Variants in RASSF5 observed in about 807,000 individuals in gnomAD.
RASSF5 encodes the protein ras association domain-containing protein 5.
In RASSF5, 25 loss-of-function variants were observed where a neutral mutation model predicts 40.5. That is an observed-to-expected ratio of 0.62 (90% confidence interval 0.45 to 0.86). The LOEUF (loss-of-function observed/expected upper bound fraction) is 0.86, where lower values mean the gene tolerates loss of function less well. RASSF5 is among the 40% of genes least tolerant of loss of function. The pLI is 0.00. For synonymous variants in RASSF5, 246 were observed against 252.4 expected (o/e 0.97, Z 0.24); for missense variants, 521 against 572.8 (o/e 0.91, Z 0.92).
intron 1 of RASSF5, among the ~76,000 whole-genome samples, chr1:206,510,380 T>TA (rs1217687787): frequency 3.3e-5 from 5 of 151,930 alleles, no homozygotes; most frequent in South Asian, 2.1e-4. Flanking sequence ...CTTCTTTGTT[T>TA]AAAAAAAATA....
At chr1:206,581,635 GGGAGA>G (rs1668882692) in intron 2 of RASSF5, among the ~76,000 whole-genome samples, 1 of 151,438 alleles carries the variant, frequency 6.6e-6, no homozygotes, top group Admixed American at 6.6e-5. Flanking sequence ...AGAGAGAGGG[GGGAGA>G]GAGAGAGAGA....
At chr1:206,522,952 A>G (rs1666945911) in intron 1 of RASSF5, among the ~76,000 whole-genome samples, 1 of 152,164 alleles carries the variant, frequency 6.6e-6, no homozygotes, top group Non-Finnish European at 1.5e-5. Context: ...AGTAAAGCTA[A>G]TTTTAGACAA....
rs1404810557 is a variant in RASSF5, at chr1:206,515,392, TC to T, written c.457+7336del. On this transcript the variant is annotated intron_variant, in intron 1 of 5. Coordinates refer to ENST00000579436, the MANE Select transcript of RASSF5 (RefSeq NM_182663.4). ...AAGAAATAAGTGTGTCTCTCCCCGC[TC>T]CCACCTCACCCCGTAGGTGTTCAGG... is the stretch of plus-strand genomic sequence containing the variant. 2.0e-5 allele frequency among the ~76,000 whole-genome samples: 3 copies of T among 152,160 alleles called. No homozygotes were observed. In the East Asian group the frequency reaches 5.8e-4, roughly 29 times the overall value.
Position 206,552,929 on chromosome 1 carries a change from C to T in RASSF5, c.579+14636C>T, listed in dbSNP as rs897517659. ...GAAGAAAGTGCTCAGTAAGGCTGGG[C>T]GCGGTGGCTCACACCTGTAATCCCA... On this transcript the variant is annotated intron_variant, in intron 2 of 5. Coordinates refer to ENST00000579436, the MANE Select transcript of RASSF5 (RefSeq NM_182663.4). The surrounding 1 kb of genome is among the most constrained non-coding windows in gnomAD (Gnocchi z 4.1). Among the ~76,000 whole-genome samples, 2 of 152,096 alleles carry T rather than the reference C, an allele frequency of 1.3e-5. No homozygotes were observed. Among genetic ancestry groups the T allele is most frequent in the African/African-American group, 4.8e-5 (2 of 41,388 alleles).
At chr1:206,526,293 T>TGTGTGTGTGTGTGTGTGTGTGTGTGTG (rs1553397193) in intron 1 of RASSF5, among the ~76,000 whole-genome samples, 5 of 151,322 alleles carry the variant, frequency 3.3e-5, no homozygotes, top group South Asian at 2.1e-4. Context: ...TGTGTGTGTG[T>TGTGTGTGTGTGTGTGTGTGTGTGTGTG]TGGAGTTGGG....
intron 5 of RASSF5, chr1:206,586,184 C>T (rs1190118924): frequency 6.5e-6 from 1 of 152,706 alleles, no homozygotes; most frequent in Non-Finnish European, 1.5e-5. Context: ...CCTTAGTACT[C>T]TATTGTGCTC....
In RASSF5 at chr1:206,552,819, G is replaced by A. The variant is rs1337653199; in HGVS notation, c.579+14526G>A. ...TTAGTAGACCGTCTTATTCAATGTT[G>A]TTCTCACTAGACTGTATATTATTAG... is the stretch of plus-strand genomic sequence containing the variant. On this transcript the variant is annotated intron_variant, in intron 2 of 5. Coordinates refer to ENST00000579436, the MANE Select transcript of RASSF5 (RefSeq NM_182663.4). The surrounding 1 kb of genome is among the most constrained non-coding windows in gnomAD (Gnocchi z 4.1). Among the ~76,000 whole-genome samples the A allele has an allele frequency of 6.6e-6, 1 of 152,132 alleles. No homozygotes were observed. The highest frequency in any genetic ancestry group is 1.5e-5 in the Non-Finnish European group (1 of 68,028).
At chr1:206,575,499 T>C (rs1263978827) in intron 2 of RASSF5, among the ~76,000 whole-genome samples, 3 of 152,130 alleles carry the variant, frequency 2.0e-5, no homozygotes, top group African/African-American at 7.2e-5. Flanking sequence ...TAGAGAAAAG[T>C]GGTGAGCAGT....
At chr1:206,585,363 CCTAA>C in intron 5 of RASSF5, 68 bp downstream of exon 5, 1 of 1,124,608 alleles carries the variant, frequency 8.9e-7, no homozygotes. Context: ...TGGGTGTTGT[CCTAA>C]CTACCTCACA....
At chr1:206,586,678 C>T (rs1042626736) in intron 5 of RASSF5, 148 bp from the exon 6 acceptor site, 9 of 676,070 alleles carry the variant, frequency 1.3e-5, no homozygotes, top group Non-Finnish European at 1.8e-5. Context: ...GCCCAGGCTT[C>T]GCTGATTCAG....
rs1227889730 is a variant in RASSF5, at chr1:206,552,244, C to T, written c.579+13951C>T. On this transcript the variant is annotated intron_variant, in intron 2 of 5. Coordinates refer to ENST00000579436, the MANE Select transcript of RASSF5 (RefSeq NM_182663.4). The surrounding 1 kb of genome is among the most constrained non-coding windows in gnomAD (Gnocchi z 4.1). ...GAGACACCGAGCTCTCTGCTGTACA[C>T]AGCCATTGAATGCTGAAAATTGCTA... Among the ~76,000 whole-genome samples, 1 of 152,220 alleles carries T rather than the reference C, an allele frequency of 6.6e-6. No individual in the cohort carries two copies.
At chr1:206,554,107 C>T (rs34167199) in intron 2 of RASSF5, among the ~76,000 whole-genome samples, 31,722 of 152,246 alleles carry the variant, frequency 0.21, 3,516 homozygotes, top group Middle Eastern at 0.39. Flanking sequence ...CAAAATATGT[C>T]TCAGGGGTGC....
intron 1 of RASSF5, among the ~76,000 whole-genome samples, chr1:206,519,992 C>G (rs1553395870): frequency 6.6e-6 from 1 of 152,178 alleles, no homozygotes; most frequent in Non-Finnish European, 1.5e-5. Context: ...TCCTCTCTTT[C>G]CCCCTCCCTT....
At chr1:206,586,774 TA>T in intron 5 of RASSF5, 51 bp from the exon 6 acceptor site, 1 of 1,472,018 alleles carries the variant, frequency 6.8e-7, no homozygotes, top group Non-Finnish European at 9.4e-7. Context: ...TGTCAACTTC[TA>T]ACCTGTCTCC....
intron 2 of RASSF5, among the ~76,000 whole-genome samples, chr1:206,548,204 G>A (rs1274748109): frequency 2.6e-5 from 4 of 151,952 alleles, no homozygotes; most frequent in Non-Finnish European, 5.9e-5. Flanking sequence ...TCTGTTTTGT[G>A]TTACTATGAA....
At chr1:206,525,622 A>G (rs1210647724) in intron 1 of RASSF5, among the ~76,000 whole-genome samples, 1 of 152,214 alleles carries the variant, frequency 6.6e-6, no homozygotes, top group Non-Finnish European at 1.5e-5. Flanking sequence ...ACAAAACAAA[A>G]CAAAACAAAA....
At chr1:206,524,379 A>G (rs920446369) in intron 1 of RASSF5, among the ~76,000 whole-genome samples, 2 of 139,828 alleles carry the variant, frequency 1.4e-5, no homozygotes, top group African/African-American at 5.2e-5. Context: ...TATGTAATAC[A>G]TTTTATATAT....
At chr1:206,566,164 AGCC>A (rs1668284855) in intron 2 of RASSF5, among the ~76,000 whole-genome samples, 1 of 152,196 alleles carries the variant, frequency 6.6e-6, no homozygotes, top group Non-Finnish European at 1.5e-5. Flanking sequence ...AAAGGGGGTG[AGCC>A]AAGGGCAAGG....
chr1:206,587,325 G>A lies in RASSF5; in HGVS notation c.*347G>A. ...CCAGCCGGCAAAGGAAGGAAGAAAGGTTTTAGAGCTGTGTGTTCTTTCTCT... is the reference window on the plus strand; with the variant it reads ...CCAGCCGGCAAAGGAAGGAAGAAAGATTTTAGAGCTGTGTGTTCTTTCTCT... On this transcript the variant is annotated 3_prime_UTR_variant, in exon 6 of 6. Transcript: ENST00000579436. 2.9e-6 allele frequency: 1 copy of A among 342,190 alleles called. No homozygotes were observed. Among genetic ancestry groups the A allele is most frequent in the Non-Finnish European group, 5.6e-6 (1 of 177,284 alleles). 21.2% of individuals were successfully genotyped at this position (342,190 alleles called of 1,614,324 possible).
Sources: gnomAD v4.1 joint callset for allele counts (sites outside exome capture counted in the v4.1 genomes callset) on GRCh38, gnomAD v4.1.1 for gene constraint, Gnocchi (gnomAD v3.1) non-coding constraint, MANE v1.5 for transcripts, NCBI Gene and HGNC (gene_info 2026-07-23, HGNC 2026-07-21) for gene names.